Variants in PTPRD observed in about 807,000 individuals in gnomAD.
The protein encoded by PTPRD is receptor-type tyrosine-protein phosphatase delta.
In PTPRD, 34 loss-of-function variants were observed where a neutral mutation model predicts 214.5. That is an observed-to-expected ratio of 0.16 (90% CI 0.12 to 0.21). The LOEUF (loss-of-function observed/expected upper bound fraction) is 0.21, where lower values mean the gene tolerates loss of function less well. PTPRD is among the 10% of genes least tolerant of loss of function. PTPRD has a pLI of 1.00. For synonymous variants in PTPRD, 1,128 were observed against 845.7 expected, an observed-to-expected ratio of 1.33 and a Z score of -5.79; for missense variants, 2,545 against 2,398.7, an observed-to-expected ratio of 1.06 and a Z score of -1.27.
intron 3 of PTPRD, among the ~76,000 whole-genome samples, chr9:10,315,724 G>T (rs556607194): frequency 6.6e-6 from 1 of 151,796 alleles, no homozygotes; most frequent in South Asian, 2.1e-4. Flanking sequence ...TTACAGTTCC[G>T]CAGGGCACAG....
chr9:9,873,788 T>C (rs888105065), intron 5 of PTPRD, among the ~76,000 whole-genome samples: 2 of 152,148 alleles, frequency 1.3e-5, no homozygotes, highest in Admixed American at 1.3e-4. Flanking sequence ...AGTATCCCCA[T>C]AGCAGCATAA....
chr9:10,538,619 C>T (rs2058413779), intron 2 of PTPRD, among the ~76,000 whole-genome samples: 1 of 151,830 alleles, frequency 6.6e-6, no homozygotes. Flanking sequence ...ACTGATTCTC[C>T]CCTCTCATCT....
At position 10,052,526 on chromosome 9, in the gene PTPRD, T is replaced by C. The variant is rs1232701824; in HGVS notation, c.-544-18736A>G. ...GAGAAACTGACATTTATGGAGCACC[T>C]ATTATATTTCAGGTATTGTAAAACT... On this transcript the variant is annotated intron_variant, in intron 3 of 45. Coordinates refer to ENST00000381196, the MANE Select transcript of PTPRD (RefSeq NM_002839.4). Among the ~76,000 whole-genome samples the C allele has an allele frequency of 2.6e-5, 4 of 152,292 alleles. 1 individual carries two copies. In the Middle Eastern group the frequency reaches 0.014, roughly 518 times the overall value.
chr9:8,985,439 C>G (rs2099337276), intron 11 of PTPRD, among the ~76,000 whole-genome samples: 1 of 151,930 alleles, frequency 6.6e-6, no homozygotes, highest in Admixed American at 6.6e-5. Context: ...GTTGTAATAG[C>G]TAAAAGCAAT....
chr9:8,754,022 G>A (rs941634212), intron 11 of PTPRD, among the ~76,000 whole-genome samples: 4 of 152,144 alleles, frequency 2.6e-5, no homozygotes, highest in African/African-American at 7.2e-5. Flanking sequence ...GCACATGCCT[G>A]TAATCCCAGC....
chr9:9,384,184 C>T (rs1339506403), intron 9 of PTPRD, among the ~76,000 whole-genome samples: 4 of 151,336 alleles, frequency 2.6e-5, no homozygotes, highest in Admixed American at 2.6e-4. Context: ...GTGTTACTTA[C>T]ATAAAATCAG....
At chr9:9,370,469 G>C (rs1318340368) in intron 9 of PTPRD, among the ~76,000 whole-genome samples, 1 of 151,222 alleles carries the variant, frequency 6.6e-6, no homozygotes, top group Non-Finnish European at 1.5e-5. Flanking sequence ...TTTGTATGCT[G>C]AGACTTTGCT....
intron 11 of PTPRD, among the ~76,000 whole-genome samples, chr9:8,919,905 T>G (rs923869188): frequency 9.2e-5 from 14 of 152,042 alleles, no homozygotes; most frequent in Non-Finnish European, 2.1e-4. Context: ...TACATGCATG[T>G]ATGCATAAGT....
chr9:9,528,058 A>G (rs1274320271), intron 8 of PTPRD, among the ~76,000 whole-genome samples: 4 of 152,248 alleles, frequency 2.6e-5, no homozygotes, highest in Non-Finnish European at 4.4e-5. Context: ...GCAAAGGGAG[A>G]CAATCCAGCC....
chr9:9,179,575 ATTAAGCATCTATGGTTTCAATGT>A (rs1255403609), intron 10 of PTPRD, among the ~76,000 whole-genome samples: 3 of 152,136 alleles, frequency 2.0e-5, no homozygotes, highest in Non-Finnish European at 2.9e-5. Context: ...TCAGCCATTG[ATTAAGCATCTATGGTTTCAATGT>A]TTAGACATTG....
chr9:9,575,785 GAA>G (rs35252772), intron 7 of PTPRD, among the ~76,000 whole-genome samples: 2,533 of 110,360 alleles, frequency 0.023, 45 homozygotes, highest in South Asian at 0.032. Context: ...GAAAGAAAAA[GAA>G]AAAAAAAAAT....
intron 10 of PTPRD, among the ~76,000 whole-genome samples, chr9:9,067,970 C>G (rs144110620): frequency 1.3e-5 from 2 of 152,198 alleles, no homozygotes; most frequent in African/African-American, 2.4e-5. Context: ...ACCACATTCA[C>G]TTTTCTCTTC....
chr9:8,717,906 T>C (rs1274941297), intron 12 of PTPRD, among the ~76,000 whole-genome samples: 5 of 152,218 alleles, frequency 3.3e-5, no homozygotes, highest in African/African-American at 7.2e-5. Context: ...CCTGTGCATA[T>C]ATCTACCTCC....
chr9:9,842,298 ATTTTTTTTT>A (rs138386194), intron 5 of PTPRD, among the ~76,000 whole-genome samples: 91 of 91,436 alleles, frequency 1.0e-3, no homozygotes, highest in Admixed American at 9.4e-4. Context: ...GAAGGAGAGC[ATTTTTTTTT>A]TTTTTTTTTT....
At chr9:10,007,453 G>C (rs1026218358) in intron 4 of PTPRD, among the ~76,000 whole-genome samples, 2 of 151,954 alleles carry the variant, frequency 1.3e-5, no homozygotes, top group Non-Finnish European at 2.9e-5. Context: ...ACGATACGAA[G>C]AGGCGTTCTG....
chr9:9,720,437 G>A (rs556201338), intron 7 of PTPRD, among the ~76,000 whole-genome samples: 42 of 152,212 alleles, frequency 2.8e-4, no homozygotes, highest in African/African-American at 9.4e-4. Flanking sequence ...GTCACTAGGC[G>A]TTTTACATTC....
intron 12 of PTPRD, among the ~76,000 whole-genome samples, chr9:8,712,633 T>C (rs1199181527): frequency 6.6e-6 from 1 of 151,542 alleles, no homozygotes; most frequent in Non-Finnish European, 1.5e-5. Flanking sequence ...ATTTATCTAA[T>C]CAAACAGCTG....
intron 14 of PTPRD, among the ~76,000 whole-genome samples, chr9:8,530,320 T>C (rs1394241690): frequency 3.3e-5 from 5 of 152,028 alleles, no homozygotes; most frequent in South Asian, 2.1e-4. Flanking sequence ...AACTCTCTCA[T>C]AGGAAATTTT....
intron 14 of PTPRD, among the ~76,000 whole-genome samples, chr9:8,632,612 C>A (rs934124183): frequency 1.3e-5 from 2 of 151,890 alleles, no homozygotes; most frequent in African/African-American, 2.4e-5. Flanking sequence ...TAGAGACATA[C>A]AACACAGTCT....
Sources: allele counts gnomAD v4.1 joint callset (sites outside exome capture counted in the v4.1 genomes callset), GRCh38; gene constraint gnomAD v4.1.1; transcripts MANE v1.5; gene names NCBI Gene and HGNC (gene_info 2026-07-23, HGNC 2026-07-21).